CNTN5: variants seen among roughly 807,000 people sequenced by gnomAD.
CNTN5 encodes contactin-5.
In CNTN5, 77 loss-of-function variants were observed where a neutral mutation model predicts 129.1. That is an observed-to-expected ratio of 0.60 (90% CI 0.50 to 0.72). CNTN5 has a LOEUF of 0.72. CNTN5 is among the 30% of genes least tolerant of loss of function. The pLI, the probability that CNTN5 is intolerant of heterozygous loss-of-function variation, is 0.00. For synonymous variants in CNTN5, 509 were observed against 465.6 expected, an observed-to-expected ratio of 1.09 and a Z score of -1.20; for missense variants, 1,478 against 1,328.8, an observed-to-expected ratio of 1.11 and a Z score of -1.75.
intron 13 of CNTN5, among the ~76,000 whole-genome samples, chr11:100,159,549 G>T (rs138984318): frequency 6.6e-6 from 1 of 151,940 alleles, no homozygotes; most frequent in East Asian, 1.9e-4. Flanking sequence ...TCCAGAGCTT[G>T]TATTTAGAGT....
intron 3 of CNTN5, among the ~76,000 whole-genome samples, chr11:99,818,757 G>A (rs1385136149): frequency 6.6e-6 from 1 of 151,942 alleles, no homozygotes; most frequent in Non-Finnish European, 1.5e-5. Flanking sequence ...TCCATTTTAG[G>A]CAGGATGCTC....
chr11:99,040,127 A>T (rs905264236), intron 1 of CNTN5, among the ~76,000 whole-genome samples: 1 of 152,130 alleles, frequency 6.6e-6, no homozygotes, highest in African/African-American at 2.4e-5. Context: ...TTGCCAAGGT[A>T]CCTCCAAGAA....
intron 15 of CNTN5, among the ~76,000 whole-genome samples, chr11:100,201,267 A>G (rs995341348): frequency 6.6e-6 from 1 of 151,972 alleles, no homozygotes; most frequent in Non-Finnish European, 1.5e-5. Context: ...CTGTAATTGT[A>G]CATTGAAGAG....
chr11:99,537,222 A>T (rs1451585246), intron 2 of CNTN5, among the ~76,000 whole-genome samples: 1 of 152,188 alleles, frequency 6.6e-6, no homozygotes, highest in Non-Finnish European at 1.5e-5. Flanking sequence ...GGAAGATTTG[A>T]TCTCATATTA....
chr11:99,629,560 T>A (rs2135795386), intron 3 of CNTN5, among the ~76,000 whole-genome samples: 1 of 151,896 alleles, frequency 6.6e-6, no homozygotes, highest in Admixed American at 6.6e-5. Context: ...GATAAAGGAA[T>A]GATCAGGGGT....
Position 100,057,137 on chromosome 11 carries a change from A to G in CNTN5, c.981-4075A>G, listed in dbSNP as rs1380355073. On this transcript the variant is annotated intron_variant, in intron 9 of 24. Transcript: ENST00000524871. ...TATGATTTTATTATTAATCATGAAT[A>G]ATAATTATACTGATCATTCAGCTCA... Among the ~76,000 whole-genome samples, 7 of 150,118 alleles carry G rather than the reference A, an allele frequency of 4.7e-5. No homozygotes were observed. The South Asian group carries it at 6.3e-4, about 13-fold the overall frequency.
intron 2 of CNTN5, among the ~76,000 whole-genome samples, chr11:99,492,839 G>T (rs1006626839): frequency 6.6e-6 from 1 of 152,154 alleles, no homozygotes; most frequent in African/African-American, 2.4e-5. Context: ...AATGGATATG[G>T]TCTAATGGTA....
chr11:100,051,835 A>C (rs917078757), intron 9 of CNTN5, among the ~76,000 whole-genome samples: 2 of 151,890 alleles, frequency 1.3e-5, no homozygotes, highest in Admixed American at 6.6e-5. Flanking sequence ...TAATTTTACA[A>C]CTAGGTCAAA....
At chr11:99,469,473 T>C (rs1945086663) in intron 2 of CNTN5, among the ~76,000 whole-genome samples, 1 of 152,136 alleles carries the variant, frequency 6.6e-6, no homozygotes, top group Non-Finnish European at 1.5e-5. Context: ...GTTTTATTTT[T>C]AATTGTTCAT....
At chr11:99,590,689 G>T (rs539152362) in intron 3 of CNTN5, among the ~76,000 whole-genome samples, 1 of 152,160 alleles carries the variant, frequency 6.6e-6, no homozygotes, top group African/African-American at 2.4e-5. Context: ...TGGCAGGAAA[G>T]AGTTTAGAGT....
At chr11:99,636,578 G>A (rs1591397508) in intron 3 of CNTN5, among the ~76,000 whole-genome samples, 3 of 152,104 alleles carry the variant, frequency 2.0e-5, no homozygotes, top group African/African-American at 7.2e-5. Flanking sequence ...CAAAAGAAAT[G>A]TAGGATTAGA....
intron 3 of CNTN5, among the ~76,000 whole-genome samples, chr11:99,818,137 A>G (rs1406829582): frequency 6.6e-6 from 1 of 152,240 alleles, no homozygotes; most frequent in African/African-American, 2.4e-5. Context: ...GTAAGACAGC[A>G]TAATTATTCT....
chr11:100,262,291 C>T (rs979344564), intron 17 of CNTN5, among the ~76,000 whole-genome samples: 4 of 152,198 alleles, frequency 2.6e-5, no homozygotes, highest in African/African-American at 9.6e-5. Context: ...CAGGAAACAA[C>T]AGATGCTGGA....
At chr11:100,051,852 A>G (rs1206177115) in intron 9 of CNTN5, among the ~76,000 whole-genome samples, 1 of 151,942 alleles carries the variant, frequency 6.6e-6, no homozygotes, top group Non-Finnish European at 1.5e-5. Context: ...CAAATAAAAA[A>G]GCTCCTTAAA....
Position 99,546,781 on chromosome 11 carries a change from G to A in CNTN5, c.-70-9364G>A, listed in dbSNP as rs1337633520. ...GCTTGATCTCCTACCACTTACTCCTGGGCATTACTTTGCACTCATGATGGC... is the reference window on the plus strand; with the variant it reads ...GCTTGATCTCCTACCACTTACTCCTAGGCATTACTTTGCACTCATGATGGC... On this transcript the variant is annotated intron_variant, in intron 2 of 24. Coordinates refer to ENST00000524871, the MANE Select transcript of CNTN5 (RefSeq NM_014361.4). Among the ~76,000 whole-genome samples the A allele has an allele frequency of 3.3e-5, 5 of 151,962 alleles. No homozygotes were observed. The East Asian group carries it at 9.7e-4, about 29-fold the overall frequency.
At chr11:99,484,420 A>T (rs1351350524) in intron 2 of CNTN5, among the ~76,000 whole-genome samples, 2 of 152,172 alleles carry the variant, frequency 1.3e-5, no homozygotes, top group Non-Finnish European at 2.9e-5. Context: ...ACTCTCATAC[A>T]CTGTTGATGG....
At chr11:99,155,916 T>C (rs543024142) in intron 1 of CNTN5, among the ~76,000 whole-genome samples, 77 of 152,206 alleles carry the variant, frequency 5.1e-4, no homozygotes, top group African/African-American at 1.5e-3. Context: ...AGAACGACTA[T>C]ATTATACTCT....
chr11:99,333,520 G>A (rs1866089180), intron 2 of CNTN5, among the ~76,000 whole-genome samples: 1 of 151,894 alleles, frequency 6.6e-6, no homozygotes, highest in South Asian at 2.1e-4. Context: ...TTCCCAAATA[G>A]ATTGATTACT....
intron 1 of CNTN5, among the ~76,000 whole-genome samples, chr11:99,079,556 T>A (rs1865710926): frequency 6.6e-6 from 1 of 152,228 alleles, no homozygotes; most frequent in Non-Finnish European, 1.5e-5. Context: ...ATATGTTCAC[T>A]GGAAACATAA....
Sources: allele counts gnomAD v4.1 joint callset (sites outside exome capture counted in the v4.1 genomes callset), GRCh38; gene constraint gnomAD v4.1.1; transcripts MANE v1.5; gene names NCBI Gene and HGNC (gene_info 2026-07-23, HGNC 2026-07-21).